Variants in SNX18 observed in about 807,000 individuals in gnomAD.
SNX18 encodes sorting nexin 18.
A neutral mutation model predicts 48.7 loss-of-function variants in SNX18; 35 were observed. The ratio of observed to expected loss-of-function variants is 0.72; its 90% CI spans 0.55 to 0.95. The LOEUF is 0.95. Among genes scored for constraint, SNX18 ranks in the 40% least tolerant of loss-of-function variants. SNX18 has a pLI of 0.00. For synonymous variants in SNX18, 492 were observed against 384.7 expected, an observed-to-expected ratio of 1.28 and a Z score of -3.26; for missense variants, 824 against 871.0, an observed-to-expected ratio of 0.95 and a Z score of 0.68.
chr5:54,566,603 T>A, the SNX18 span, among the ~76,000 whole-genome samples: 1 of 152,242 alleles, frequency 6.6e-6, no homozygotes, highest in African/African-American at 2.4e-5. Context: ...CAGGGACTCC[T>A]CTGCTCCACA....
the SNX18 span, among the ~76,000 whole-genome samples, chr5:54,564,431 G>C: frequency 6.6e-6 from 1 of 152,074 alleles, no homozygotes; most frequent in African/African-American, 2.4e-5. Flanking sequence ...CTACTTCTTT[G>C]ACTAAGTTTA....
the SNX18 span, among the ~76,000 whole-genome samples, chr5:54,617,350 G>T: frequency 2.6e-5 from 4 of 152,180 alleles, no homozygotes; most frequent in South Asian, 2.1e-4. Flanking sequence ...GCTCCTGTTT[G>T]GTTCCACAGG....
chr5:54,519,667 C>G (rs751889217), intron 1 of SNX18, 94 bp downstream of exon 1: 1 of 1,614,162 alleles, frequency 6.2e-7, no homozygotes, highest in Non-Finnish European at 8.5e-7. Context: ...GTTTCAGAAT[C>G]ATATTCTACA....
chr5:54,541,135 C>A (rs773346397), intron 1 of SNX18, among the ~76,000 whole-genome samples: 1 of 152,082 alleles, frequency 6.6e-6, no homozygotes, highest in Non-Finnish European at 1.5e-5. Context: ...TCAAGCGATT[C>A]TCCTGCCCCA....
intron 1 of SNX18, 78 bp from the exon 2 acceptor site, chr5:54,543,101 A>T (rs1318311769): frequency 7.1e-7 from 1 of 1,410,088 alleles, no homozygotes; most frequent in Admixed American, 2.4e-5. Flanking sequence ...AATGCCCAAG[A>T]TTCTGTTTAA....
chr5:54,593,712 A>C, the SNX18 span, among the ~76,000 whole-genome samples: 4 of 152,316 alleles, frequency 2.6e-5, no homozygotes, highest in African/African-American at 9.6e-5. Context: ...TACTGAAAAA[A>C]CTATTCTTAA....
chr5:54,589,888 G>A, the SNX18 span, among the ~76,000 whole-genome samples: 2 of 152,114 alleles, frequency 1.3e-5, no homozygotes, highest in Non-Finnish European at 2.9e-5. Flanking sequence ...ATGCAGTGGC[G>A]AGATCATTCT....
intron 1 of SNX18, among the ~76,000 whole-genome samples, chr5:54,537,367 C>T (rs896733117): frequency 1.3e-5 from 2 of 152,184 alleles, no homozygotes; most frequent in Non-Finnish European, 2.9e-5. Flanking sequence ...TTAATGTGCA[C>T]CTGCACTTTC....
the SNX18 span, among the ~76,000 whole-genome samples, chr5:54,582,007 A>G: frequency 6.6e-6 from 1 of 152,190 alleles, no homozygotes; most frequent in Non-Finnish European, 1.5e-5. Context: ...CATCTGGAAT[A>G]TGAGTGCCAA....
the SNX18 span, among the ~76,000 whole-genome samples, chr5:54,574,662 G>A: frequency 2.0e-5 from 3 of 152,134 alleles, no homozygotes; most frequent in Non-Finnish European, 2.9e-5. Context: ...CAGGTGGCAC[G>A]TATGGTAATG....
At chr5:54,620,905 G>A in the SNX18 span, among the ~76,000 whole-genome samples, 2 of 152,168 alleles carry the variant, frequency 1.3e-5, no homozygotes, top group East Asian at 3.9e-4. Flanking sequence ...CAGTCATATT[G>A]GATTAGGGCC....
the SNX18 span, among the ~76,000 whole-genome samples, chr5:54,606,781 C>T: frequency 8.8e-3 from 1,341 of 152,246 alleles, 20 homozygotes; most frequent in African/African-American, 0.031. Flanking sequence ...TTACTACAAT[C>T]CATCCATCTT....
the SNX18 span, among the ~76,000 whole-genome samples, chr5:54,633,375 G>T: frequency 6.6e-6 from 1 of 152,126 alleles, no homozygotes; most frequent in South Asian, 2.1e-4. Context: ...AACATACTTA[G>T]ATCCTGAGTC....
chr5:54,580,438 T>C, the SNX18 span, among the ~76,000 whole-genome samples: 110 of 152,318 alleles, frequency 7.2e-4, 1 homozygote, highest in East Asian at 0.019. Flanking sequence ...ATTTTATGGT[T>C]CACTTTTATT....
chr5:54,614,141 T>C, the SNX18 span, among the ~76,000 whole-genome samples: 54,632 of 152,118 alleles, frequency 0.36, 10,904 homozygotes, highest in African/African-American at 0.54. Flanking sequence ...AATGTTTTGA[T>C]AAAGATAACG....
chr5:54,645,172 T>G, the SNX18 span: 1 of 152,218 alleles, frequency 6.6e-6, no homozygotes, highest in East Asian at 1.9e-4. Context: ...ATGGTAAGAA[T>G]GATATAACCA....
At chr5:54,542,558 G>C (rs1327840513) in intron 1 of SNX18, among the ~76,000 whole-genome samples, 2 of 152,202 alleles carry the variant, frequency 1.3e-5, no homozygotes, top group Non-Finnish European at 2.9e-5. Flanking sequence ...TGTTTACTCT[G>C]GATGACAAGA....
the SNX18 span, among the ~76,000 whole-genome samples, chr5:54,590,838 C>A: frequency 1.3e-5 from 2 of 152,194 alleles, no homozygotes; most frequent in Non-Finnish European, 2.9e-5. Flanking sequence ...AGATCCTGAG[C>A]TCCATGAGGG....
At chr5:54,585,200 G>T in the SNX18 span, among the ~76,000 whole-genome samples, 1 of 151,554 alleles carries the variant, frequency 6.6e-6, no homozygotes, top group African/African-American at 2.4e-5. Flanking sequence ...GCTGAGGTGG[G>T]AAGATTGCTT....
Sources: gnomAD v4.1 joint callset for allele counts (sites outside exome capture counted in the v4.1 genomes callset) on GRCh38, gnomAD v4.1.1 for gene constraint, MANE v1.5 for transcripts, NCBI Gene and HGNC (gene_info 2026-07-23, HGNC 2026-07-21) for gene names.